NBAS: variants seen among roughly 807,000 people sequenced by gnomAD.
NBAS encodes NBAS subunit of NRZ tethering complex.
In NBAS, 219 loss-of-function variants were observed where a neutral mutation model predicts 302.5. The observed-to-expected ratio is 0.72, with a 90% CI of 0.65 to 0.81. NBAS has a LOEUF of 0.81. Among genes scored for constraint, NBAS ranks in the 30% least tolerant of loss-of-function variants. The pLI is 0.00. For synonymous variants in NBAS, 1,118 were observed against 1,021.6 expected (o/e 1.09, Z -1.80); for missense variants, 2,932 against 2,841.6 (o/e 1.03, Z -0.72).
At chr2:15,483,673 C>A (rs965265971) in intron 12 of NBAS, among the ~76,000 whole-genome samples, 1 of 152,068 alleles carries the variant, frequency 6.6e-6, no homozygotes, top group Non-Finnish European at 1.5e-5. Flanking sequence ...ATTAGTAAAT[C>A]AGAATAGGCA....
chr2:15,495,532 GT>G (rs1436396577), intron 11 of NBAS, among the ~76,000 whole-genome samples: 2 of 152,130 alleles, frequency 1.3e-5, no homozygotes, highest in Non-Finnish European at 2.9e-5. Flanking sequence ...AAAACACATA[GT>G]TTTTTTTAAA....
At chr2:14,802,621 A>G in the NBAS span, among the ~76,000 whole-genome samples, 1 of 151,502 alleles carries the variant, frequency 6.6e-6, no homozygotes, top group Admixed American at 6.6e-5. Context: ...TCACAATAGC[A>G]AAGACTTGGA....
At chr2:15,133,058 T>C in the NBAS span, among the ~76,000 whole-genome samples, 17 of 152,224 alleles carry the variant, frequency 1.1e-4, no homozygotes, top group Admixed American at 8.5e-4. Flanking sequence ...TCATGCATCT[T>C]GTGTTTTAAA....
At chr2:15,417,770 A>C in intron 23 of NBAS, 58 bp from the exon 24 acceptor site, 2 of 1,505,800 alleles carry the variant, frequency 1.3e-6, no homozygotes, top group Non-Finnish European at 1.8e-6. Flanking sequence ...ATCTATTCTA[A>C]AGTAAAAGTC....
the NBAS span, among the ~76,000 whole-genome samples, chr2:14,781,090 TA>T: frequency 1.3e-5 from 2 of 152,210 alleles, no homozygotes; most frequent in Non-Finnish European, 2.9e-5. Context: ...AAATATGCAA[TA>T]AACAAAATGA....
chr2:14,916,830 A>C, the NBAS span, among the ~76,000 whole-genome samples: 1 of 152,208 alleles, frequency 6.6e-6, no homozygotes. Context: ...CCAGCAAAGC[A>C]GACAGTGGAT....
intron 22 of NBAS, 134 bp from the exon 23 acceptor site, chr2:15,424,602 TC>T: frequency 1.0e-6 from 1 of 958,372 alleles, no homozygotes; most frequent in Non-Finnish European, 1.7e-6. Flanking sequence ...GGTTTGTGTA[TC>T]TATCACATGC....
intron 6 of NBAS, among the ~76,000 whole-genome samples, chr2:15,540,654 T>C (rs969736001): frequency 2.6e-5 from 4 of 152,090 alleles, no homozygotes; most frequent in Admixed American, 2.6e-4. Context: ...CTCTGTCATA[T>C]ACCTAATAAC....
chr2:15,235,241 G>C (rs940401881), intron 45 of NBAS, among the ~76,000 whole-genome samples: 21 of 152,006 alleles, frequency 1.4e-4, no homozygotes, highest in African/African-American at 5.1e-4. Context: ...TTTTAAATTA[G>C]CTGCATGTTA....
intron 51 of NBAS, among the ~76,000 whole-genome samples, chr2:15,174,047 G>C (rs959826537): frequency 1.4e-4 from 21 of 152,174 alleles, no homozygotes; most frequent in Non-Finnish European, 7.4e-5. Context: ...GGAATCCCAG[G>C]CTGACCTGCA....
the NBAS span, among the ~76,000 whole-genome samples, chr2:15,035,068 C>T: frequency 1.3e-5 from 2 of 151,382 alleles, no homozygotes; most frequent in Non-Finnish European, 1.5e-5. Context: ...TAGTATGTTG[C>T]ACCACAGATT....
chr2:14,962,217 G>C, the NBAS span, among the ~76,000 whole-genome samples: 3 of 152,286 alleles, frequency 2.0e-5, no homozygotes, highest in East Asian at 3.9e-4. Context: ...AAGAGGGCTG[G>C]AGCATATGTA....
rs1448155103 is a variant in NBAS, at chr2:15,352,085, A to G, written c.4090-4T>C. The G allele has an allele frequency of 2.5e-6, 4 of 1,586,222 alleles. No individual in the cohort carries two copies. The highest frequency in any genetic ancestry group is 3.5e-6 in the Non-Finnish European group (4 of 1,155,146). On this transcript the variant is annotated splice_polypyrimidine_tract_variant and splice_region_variant and intron_variant, in intron 34 of 51. Coordinates refer to ENST00000281513, the MANE Select transcript of NBAS (RefSeq NM_015909.4). The stretch of plus-strand genomic sequence containing the variant: ...AATTCACTCTTTGATAAAGAATCTA[A>G]AACAAGAATAGGCTATATTGTAAAG...
At chr2:15,556,951 T>C (rs1310227013) in intron 2 of NBAS, 132 bp from the exon 3 acceptor site, 3 of 711,970 alleles carry the variant, frequency 4.2e-6, no homozygotes, top group Non-Finnish European at 4.9e-6. Context: ...AACTCAAGTC[T>C]TAAAATGAGA....
intron 44 of NBAS, among the ~76,000 whole-genome samples, chr2:15,259,844 C>T (rs543037593): frequency 1.3e-4 from 20 of 152,340 alleles, no homozygotes; most frequent in African/African-American, 4.6e-4. Flanking sequence ...AAGTATTCTG[C>T]CTTTTTTGTT....
At chr2:15,165,599 T>A (rs542696004), downstream of NBAS, among the ~76,000 whole-genome samples, 2 of 152,210 alleles carry the variant, frequency 1.3e-5, no homozygotes, top group Non-Finnish European at 2.9e-5. Flanking sequence ...TGATAAACTA[T>A]AAGGCGAAGC....
chr2:14,849,357 A>C, the NBAS span, among the ~76,000 whole-genome samples: 3 of 151,114 alleles, frequency 2.0e-5, no homozygotes, highest in East Asian at 5.8e-4. Context: ...GAATGAAATG[A>C]AGCGAGAAGG....
At chr2:15,299,312 T>A (rs1329502188) in intron 40 of NBAS, among the ~76,000 whole-genome samples, 1 of 152,216 alleles carries the variant, frequency 6.6e-6, no homozygotes, top group Non-Finnish European at 1.5e-5. Context: ...GAATAAAGTA[T>A]GATTTCTTTA....
chr2:15,411,772 C>T (rs1334593868), intron 25 of NBAS, among the ~76,000 whole-genome samples: 5 of 152,130 alleles, frequency 3.3e-5, no homozygotes, highest in African/African-American at 7.2e-5. Flanking sequence ...CTCCAGGATG[C>T]TTCTGCTAAT....
Sources: gnomAD v4.1 joint callset for allele counts (sites outside exome capture counted in the v4.1 genomes callset) on GRCh38, gnomAD v4.1.1 for gene constraint, MANE v1.5 for transcripts, NCBI Gene and HGNC (gene_info 2026-07-23, HGNC 2026-07-21) for gene names.